The following SGO2 variants were observed in gnomAD, a reference collection of about 807,000 sequenced individuals.
SGO2 encodes shugoshin-like 2.
SGO2 carries 68 observed loss-of-function variants against 99.5 expected under a neutral mutation model. The observed-to-expected ratio is 0.68, with a 90% CI of 0.56 to 0.84. The LOEUF (loss-of-function observed/expected upper bound fraction) is 0.84, where lower values mean the gene tolerates loss of function less well. SGO2 is among the 40% of genes least tolerant of loss of function. The probability of loss-of-function intolerance (pLI) is 0.00; values close to 1 mark genes in which losing one functional copy is unlikely to be tolerated. For missense variants in SGO2, 1,350 were observed against 1,436.7 expected, an observed-to-expected ratio of 0.94 and a Z score of 0.97; for synonymous variants, 457 against 487.1, an observed-to-expected ratio of 0.94 and a Z score of 0.81.
rs184043742 is a variant in SGO2, at chr2:200,553,189, G to A, written c.473+10525G>A. 4.9e-3 allele frequency among the ~76,000 whole-genome samples: 741 copies of A among 152,186 alleles called. 5 individuals are homozygous for A. Among genetic ancestry groups the A allele is most frequent in the Admixed American group, 6.9e-3 (106 of 15,272 alleles). On this transcript the variant is annotated intron_variant, in intron 5 of 8. Transcript: ENST00000357799. ...GGAAGATTAATAAGTGCACCATTTC[G>A]GAAAACATTAAGGAAGCCCATACTG...
At chr2:200,537,978 C>T (rs759291667) in intron 4 of SGO2, among the ~76,000 whole-genome samples, 1 of 152,132 alleles carries the variant, frequency 6.6e-6, no homozygotes, top group Non-Finnish European at 1.5e-5. Flanking sequence ...AATCAGTCTA[C>T]AATTCTACCA....
rs1319540675 is a variant in SGO2 at position 200,573,893 on chromosome 2, G to A, written c.3547G>A (p.Ala1183Thr). The change falls in exon 7 of 9, where the codon GCC becomes ACC. Residue 1183 changes from alanine (A) to threonine (T), a missense_variant. Ala to Thr is a moderately conservative substitution (Grantham distance 58). Coordinates refer to ENST00000357799, the MANE Select transcript of SGO2 (RefSeq NM_152524.6). Reference sequence around the variant, plus strand: ...AAATTTTGCCTTGGAGTGCTCCCCAGCCTTTCAAGTAAGTGATGATGAGCA... The same window carrying A: ...AAATTTTGCCTTGGAGTGCTCCCCAACCTTTCAAGTAAGTGATGATGAGCA... ...KENFALECSP[A>T]FQVSDDEHEK... 1.2e-6 allele frequency: 2 copies of A among 1,612,316 alleles called. No homozygotes were observed. The highest frequency in any genetic ancestry group is 2.2e-5 in the South Asian group (2 of 90,768).
At chr2:200,582,921 TCAAA>T (rs2033887778) in intron 8 of SGO2, among the ~76,000 whole-genome samples, 1 of 152,038 alleles carries the variant, frequency 6.6e-6, no homozygotes, top group Admixed American at 6.5e-5. Flanking sequence ...AAGATATCTA[TCAAA>T]CAGATAAAAC....
chr2:200,571,707 A>G lies in SGO2; in HGVS notation c.1361A>G (p.Asn454Ser), dbSNP rs1383459464. 3 of 1,613,416 alleles carry G rather than the reference A, an allele frequency of 1.9e-6. No homozygotes were observed. The highest frequency in any genetic ancestry group is 2.5e-6 in the Non-Finnish European group (3 of 1,179,704). ...GAEDPGFIFN[N>S]EQLAQMNEQL... ...GAAGATCCCGGTTTTATTTTCAATAATGAACAGCTGGCTCAGATGAATGAA... is the reference window on the plus strand; with the variant it reads ...GAAGATCCCGGTTTTATTTTCAATAGTGAACAGCTGGCTCAGATGAATGAA... The change falls in exon 7 of 9, where the codon AAT becomes AGT. Residue 454 changes from asparagine to serine, a missense_variant. By Grantham distance (46) the Asn-to-Ser change is conservative (BLOSUM62 1). Transcript: ENST00000357799.
At position 200,570,096 on chromosome 2, in the gene SGO2, A is replaced by G; in HGVS notation, c.703+204A>G. The G allele has an allele frequency of 2.1e-6, 1 of 475,934 alleles. No individual in the cohort carries two copies. Among genetic ancestry groups the G allele is most frequent in the South Asian group, 4.5e-5 (1 of 22,004 alleles). 29.5% of individuals were successfully genotyped at this position (475,934 alleles called of 1,614,324 possible). A position where few individuals can be genotyped will look rare whatever the true frequency, so the allele number is the denominator to read the frequency against. Reference sequence around the variant, plus strand: ...CAAACATCACACCCACAGTGGCCTAATACTGTTACTCTGGAAGAAATATTT... The same window carrying G: ...CAAACATCACACCCACAGTGGCCTAGTACTGTTACTCTGGAAGAAATATTT... On this transcript the variant is annotated intron_variant, in intron 6 of 8. Transcript: ENST00000357799. The surrounding 1 kb of genome is among the most constrained non-coding windows in gnomAD (Gnocchi z 4.4).
intron 1 of SGO2, among the ~76,000 whole-genome samples, chr2:200,532,762 G>T (rs981184126): frequency 1.3e-5 from 2 of 151,956 alleles, no homozygotes; most frequent in Non-Finnish European, 2.9e-5. Flanking sequence ...GATTAATGTA[G>T]GCTTAAATGA....
intron 5 of SGO2, among the ~76,000 whole-genome samples, chr2:200,564,630 C>G (rs2106336587): frequency 6.6e-6 from 1 of 152,258 alleles, no homozygotes; most frequent in South Asian, 2.1e-4. Context: ...AATTTTCTGT[C>G]TCATGGATCT....
intron 5 of SGO2, among the ~76,000 whole-genome samples, chr2:200,547,888 A>G (rs12053340): frequency 0.16 from 24,974 of 151,798 alleles, 2,298 homozygotes; most frequent in Non-Finnish European, 0.21. Context: ...CAAAGACTGT[A>G]AAAACTGGCA....
chr2:200,549,298 A>T (rs1453490263), intron 5 of SGO2, among the ~76,000 whole-genome samples: 1 of 152,176 alleles, frequency 6.6e-6, no homozygotes, highest in African/African-American at 2.4e-5. Context: ...AGAAAAGCCC[A>T]GGACTTGATG....
Position 200,573,106 on chromosome 2 carries a change from G to T in SGO2, c.2760G>T (p.Met920Ile). The T allele has an allele frequency of 1.9e-6, 3 of 1,585,140 alleles. No individual in the cohort carries two copies. In the South Asian group the frequency reaches 3.6e-5, roughly 19 times the overall value. ...VNWKTEIISEMNQIYEDNDKD... is the reference protein window; with the variant it reads ...VNWKTEIISEINQIYEDNDKD... ...GGAAGACAGAAATAATTTCTGAAAT[G>T]AACCAGATATATGAGGATAATGATA... The change falls in exon 7 of 9, where the codon ATG becomes ATT. Residue 920 changes from methionine (M) to isoleucine (I), a missense_variant. Transcript: ENST00000357799.
chr2:200,529,748 G>C (rs986146027), intron 1 of SGO2, among the ~76,000 whole-genome samples: 6 of 151,990 alleles, frequency 3.9e-5, no homozygotes, highest in African/African-American at 1.5e-4. Context: ...GGCTGGTCTC[G>C]AACTCCTGAC....
Position 200,573,039 on chromosome 2 carries a change from A to G in SGO2, c.2693A>G (p.Gln898Arg), listed in dbSNP as rs1441724343. ...KYVTDRKSAE[Q>R]NESKINKLRN... ...GTTACTGATAGGAAATCTGCTGAGC[A>G]AAATGAATCAAAAATAAATAAGCTC... Residue 898 changes from glutamine (Q) to arginine (R), a missense_variant, in exon 7 of 9, where the codon CAA becomes CGA. Gln to Arg is a conservative substitution (Grantham distance 43). Transcript: ENST00000357799. 1 of 1,566,564 alleles carries G rather than the reference A, an allele frequency of 6.4e-7. No individual in the cohort carries two copies. Among genetic ancestry groups the G allele is most frequent in the East Asian group, 2.2e-5 (1 of 44,464 alleles).
Position 200,535,046 on chromosome 2 carries a change from G to A in SGO2, c.184G>A (p.Ala62Thr), listed in dbSNP as rs375890814. The change falls in exon 3 of 9, where the codon GCT becomes ACT. Residue 62 changes from alanine to threonine, a missense_variant. Physicochemically the swap from Ala to Thr is moderately conservative, Grantham distance 58. Coordinates refer to ENST00000357799, the MANE Select transcript of SGO2 (RefSeq NM_152524.6). The part of the protein sequence containing the change: ...ISLKHNNRAL[A>T]QALSREKENS... ...TTTAAAGCACAACAACAGGGCATTA[G>A]CTCAGGCTCTTAGTAGAGAAAAAGA... is the stretch of plus-strand genomic sequence containing the variant. The A allele has an allele frequency of 9.0e-6, 14 of 1,556,734 alleles. No homozygotes were observed. Among genetic ancestry groups the A allele is most frequent in the Non-Finnish European group, 1.2e-5 (14 of 1,161,918 alleles).
intron 5 of SGO2, among the ~76,000 whole-genome samples, chr2:200,568,664 A>G (rs1022741688): frequency 1.3e-5 from 2 of 152,238 alleles, no homozygotes; most frequent in East Asian, 3.9e-4. Flanking sequence ...CCTTGAACCA[A>G]TAAGACTGTA....
At chr2:200,546,162 A>C (rs543769314) in intron 5 of SGO2, among the ~76,000 whole-genome samples, 16 of 146,738 alleles carry the variant, frequency 1.1e-4, no homozygotes, top group African/African-American at 4.1e-4. Context: ...GCAGCAAACT[A>C]GCAGTATAGA....
intron 5 of SGO2, among the ~76,000 whole-genome samples, chr2:200,545,650 T>G (rs1391610169): frequency 6.6e-6 from 1 of 152,174 alleles, no homozygotes; most frequent in Admixed American, 6.5e-5. Flanking sequence ...GGAAAAACTC[T>G]GAGCAGATGG....
chr2:200,572,653 T>G lies in SGO2; in HGVS notation c.2307T>G (p.Leu769=), dbSNP rs1362135938. The change falls in exon 7 of 9, where the codon CTT becomes CTG. Residue 769 remains leucine, a synonymous_variant. Transcript: ENST00000357799. ...CAAGTGAGTTTGAAACACCTGCTCTTTCTACCAAAGATAGTGGAAACCTGT... is the reference window on the plus strand; with the variant it reads ...CAAGTGAGTTTGAAACACCTGCTCTGTCTACCAAAGATAGTGGAAACCTGT... ...EDPSEFETPA[L]STKDSGNLYD... 1 of 1,612,274 alleles carries G rather than the reference T, an allele frequency of 6.2e-7. No homozygotes were observed. The highest frequency in any genetic ancestry group is 8.5e-7 in the Non-Finnish European group (1 of 1,179,302).
At chr2:200,550,606 AAT>A (rs1361196582) in intron 5 of SGO2, among the ~76,000 whole-genome samples, 1 of 152,194 alleles carries the variant, frequency 6.6e-6, no homozygotes, top group African/African-American at 2.4e-5. Context: ...GTGGTCAATA[AAT>A]AGTGCGGGAA....
chr2:200,529,007 T>G (rs2031235767), intron 1 of SGO2, among the ~76,000 whole-genome samples: 1 of 152,204 alleles, frequency 6.6e-6, no homozygotes, highest in South Asian at 2.1e-4. Flanking sequence ...AACATAGTAA[T>G]TCAGTGACCT....
Sources: gnomAD v4.1 joint callset for allele counts (sites outside exome capture counted in the v4.1 genomes callset) on GRCh38, gnomAD v4.1.1 for gene constraint, Gnocchi (gnomAD v3.1) non-coding constraint, MANE v1.5 for transcripts, NCBI Gene and HGNC (gene_info 2026-07-23, HGNC 2026-07-21) for gene names.